TTF1: variants seen among roughly 807,000 people sequenced by gnomAD.
TTF1 encodes transcription termination factor, RNA polymerase I.
Under a neutral mutation model 80.2 loss-of-function variants are expected in TTF1, and 64 were observed. The ratio of observed to expected loss-of-function variants is 0.80; its 90% confidence interval spans 0.65 to 0.98. The LOEUF (loss-of-function observed/expected upper bound fraction) is 0.98. Among genes scored for constraint, TTF1 ranks in the 50% least tolerant of loss-of-function variants. The pLI is 0.00. For synonymous variants in TTF1, 372 were observed against 382.7 expected, an observed-to-expected ratio of 0.97 and a Z score of 0.33; for missense variants, 1,023 against 1,086.2, an observed-to-expected ratio of 0.94 and a Z score of 0.82.
chr9:132,396,811 G>A (rs566534269), intron 4 of TTF1, among the ~76,000 whole-genome samples: 68 of 152,090 alleles, frequency 4.5e-4, no homozygotes, highest in Non-Finnish European at 8.4e-4. Flanking sequence ...GGGATTACAG[G>A]TGTCCACCGC....
At chr9:132,387,366 T>G (rs886939887) in intron 8 of TTF1, among the ~76,000 whole-genome samples, 1 of 151,952 alleles carries the variant, frequency 6.6e-6, no homozygotes, top group African/African-American at 2.4e-5. Flanking sequence ...GACTAATAGG[T>G]GGGGCCGACA....
chr9:132,381,818 C>T (rs555226210), intron 9 of TTF1, among the ~76,000 whole-genome samples: 1 of 152,306 alleles, frequency 6.6e-6, no homozygotes, highest in Admixed American at 6.5e-5. Context: ...TAACTAACCA[C>T]CAGAACCAGT....
At chr9:132,385,786 TG>T (rs1849455744) in intron 9 of TTF1, among the ~76,000 whole-genome samples, 1 of 152,246 alleles carries the variant, frequency 6.6e-6, no homozygotes, top group African/African-American at 2.4e-5. Context: ...ACTCTGTGCC[TG>T]GTATACAGAA....
intron 10 of TTF1, among the ~76,000 whole-genome samples, chr9:132,378,082 A>C (rs1272054601): frequency 1.2e-5 from 1 of 80,980 alleles, no homozygotes; most frequent in African/African-American, 5.1e-5. Context: ...GGTGTGTGTG[A>C]GTGCATGTGG....
At chr9:132,402,922 C>T (rs1326328028) in intron 1 of TTF1, 94 bp from the exon 2 acceptor site, 7 of 1,234,634 alleles carry the variant, frequency 5.7e-6, no homozygotes, top group Admixed American at 2.7e-5. Context: ...GTGGCGCGAT[C>T]TCGGCTCACT....
intron 1 of TTF1, among the ~76,000 whole-genome samples, chr9:132,403,144 C>T (rs1849799959): frequency 6.6e-6 from 1 of 152,226 alleles, no homozygotes; most frequent in Admixed American, 6.5e-5. Flanking sequence ...CAGGCGTCAG[C>T]CACCGTGCCT....
At chr9:132,376,446 C>T (rs1368307594) in intron 10 of TTF1, among the ~76,000 whole-genome samples, 2 of 152,134 alleles carry the variant, frequency 1.3e-5, no homozygotes, top group Non-Finnish European at 2.9e-5. Flanking sequence ...GATTCAAACT[C>T]GGGTAGTGAT....
At chr9:132,378,578 G>A (rs1447323884) in intron 10 of TTF1, among the ~76,000 whole-genome samples, 8 of 126,222 alleles carry the variant, frequency 6.3e-5, no homozygotes, top group Non-Finnish European at 1.1e-4. Context: ...GTGAGTGCAT[G>A]TGGTGTGTGA....
chr9:132,396,190 C>T (rs554229), intron 5 of TTF1, among the ~76,000 whole-genome samples: 36,211 of 151,864 alleles, frequency 0.24, 5,463 homozygotes, highest in African/African-American at 0.42. Context: ...ATGGGGAGTG[C>T]TAAAGAAAAA....
chr9:132,390,810 C>A lies in TTF1; in HGVS notation c.2009G>T (p.Ser670Ile), dbSNP rs1209221322. ...GATTAGTTTCCGGGTTTCAGACTTA[C>A]TCCAAGCACCACGATTTCTTTCTGT... ...ISSQRNRGAW[S>I]KSETRKLIKA... The change falls in exon 7 of 11, where the codon AGT (serine) becomes ATT (isoleucine). Residue 670 changes from serine (S) to isoleucine (I), a missense_variant. Transcript: ENST00000334270. 1.9e-6 allele frequency: 3 copies of A among 1,614,050 alleles called. No homozygotes were observed. Among genetic ancestry groups the A allele is most frequent in the South Asian group, 2.2e-5 (2 of 91,062 alleles).
At chr9:132,382,103 G>GT (rs1849380389) in intron 9 of TTF1, among the ~76,000 whole-genome samples, 1 of 152,236 alleles carries the variant, frequency 6.6e-6, no homozygotes, top group Non-Finnish European at 1.5e-5. Flanking sequence ...GTAGCAAGCA[G>GT]TAAGTTGAGA....
intron 9 of TTF1, among the ~76,000 whole-genome samples, chr9:132,382,772 A>G (rs142530948): frequency 0.77 from 113,003 of 147,458 alleles, 43,799 homozygotes; most frequent in South Asian, 0.83. Flanking sequence ...AAAAAAAAAA[A>G]AAAAAAAAAA....
chr9:132,399,902 G>T, intron 3 of TTF1, 133 bp downstream of exon 3: 1 of 946,106 alleles, frequency 1.1e-6, no homozygotes, highest in Non-Finnish European at 1.6e-6. Flanking sequence ...GACAATTCTG[G>T]TAGGAGATAG....
chr9:132,392,862 T>C (rs1487897779), intron 5 of TTF1, among the ~76,000 whole-genome samples: 2 of 152,260 alleles, frequency 1.3e-5, no homozygotes, highest in African/African-American at 4.8e-5. Flanking sequence ...ATATATTTCA[T>C]TGAACTCAAT....
At chr9:132,398,976 T>C (rs1849707335) in intron 3 of TTF1, among the ~76,000 whole-genome samples, 1 of 151,970 alleles carries the variant, frequency 6.6e-6, no homozygotes. Flanking sequence ...GACAGGCGAA[T>C]CATGAGGTCA....
chr9:132,381,725 G>T (rs1013849093), intron 9 of TTF1, among the ~76,000 whole-genome samples: 2 of 152,156 alleles, frequency 1.3e-5, no homozygotes, highest in East Asian at 1.9e-4. Flanking sequence ...GCAGGGCCTG[G>T]ACTAAGAATT....
intron 7 of TTF1, among the ~76,000 whole-genome samples, chr9:132,388,461 C>T (rs1427431347): frequency 6.6e-6 from 1 of 151,966 alleles, no homozygotes; most frequent in Non-Finnish European, 1.5e-5. Flanking sequence ...CTCAGCCTCC[C>T]GAGTAGCTGG....
At chr9:132,379,319 C>T in intron 9 of TTF1, 175 bp from the exon 10 acceptor site, 1 of 459,010 alleles carries the variant, frequency 2.2e-6, no homozygotes, top group Non-Finnish European at 3.8e-6. Context: ...ATATGGAAAG[C>T]TATTGTTTAT....
chr9:132,401,736 C>G lies in TTF1; in HGVS notation c.1086G>C (p.Gln362His). The G allele has an allele frequency of 3.7e-6, 6 of 1,614,014 alleles. No individual in the cohort carries two copies. Among genetic ancestry groups the G allele is most frequent in the Non-Finnish European group, 4.2e-6 (5 of 1,179,982 alleles). The part of the protein sequence containing the change: ...SLESAYPEGS[Q>H]VGSEVGTVEG... ...CCACAGTCCCAACCTCACTGCCCAC[C>G]TGTGATCCTTCAGGGTATGCACTCT... Residue 362 changes from glutamine to histidine, a missense_variant, in exon 2 of 11, where the codon CAG (glutamine) becomes CAC (histidine). By Grantham distance (24) the Gln-to-His change is conservative. Coordinates refer to ENST00000334270, the MANE Select transcript of TTF1 (RefSeq NM_007344.4).
Sources: allele counts gnomAD v4.1 joint callset (sites outside exome capture counted in the v4.1 genomes callset), GRCh38; gene constraint gnomAD v4.1.1; transcripts MANE v1.5; gene names NCBI Gene and HGNC (gene_info 2026-07-23, HGNC 2026-07-21).